XRN2: variants seen among roughly 807,000 people sequenced by gnomAD.
XRN2 encodes 5'-3' exoribonuclease 2.
XRN2 carries 44 observed loss-of-function variants against 138.5 expected under a neutral mutation model. The ratio of observed to expected loss-of-function variants is 0.32; its 90% CI spans 0.25 to 0.41. XRN2 has a LOEUF of 0.41. XRN2 is among the 10% of genes least tolerant of loss of function. The pLI is 1.00. For missense variants in XRN2, 937 were observed against 1,169.3 expected, an observed-to-expected ratio of 0.80 and a Z score of 2.90; for synonymous variants, 354 against 369.4, an observed-to-expected ratio of 0.96 and a Z score of 0.48.
At chr20:21,338,967 A>C in intron 13 of XRN2, 77 bp from the exon 14 acceptor site, 1 of 1,409,388 alleles carries the variant, frequency 7.1e-7, no homozygotes. Flanking sequence ...GTTGTCTCCC[A>C]AATCATTCCT....
intron 1 of XRN2, among the ~76,000 whole-genome samples, chr20:21,312,829 T>A (rs992341118): frequency 1.3e-5 from 2 of 152,068 alleles, no homozygotes; most frequent in Admixed American, 6.5e-5. Flanking sequence ...CTTGAACTCC[T>A]GACCTCAGGC....
chr20:21,345,916 G>A (rs867182291), intron 16 of XRN2, among the ~76,000 whole-genome samples: 1 of 147,660 alleles, frequency 6.8e-6, no homozygotes, highest in Middle Eastern at 3.5e-3. Flanking sequence ...TCTGCCTAAT[G>A]TCTAGATTAT....
At chr20:21,364,820 AG>A (rs1339358045) in intron 24 of XRN2, among the ~76,000 whole-genome samples, 9 of 151,014 alleles carry the variant, frequency 6.0e-5, no homozygotes, top group Admixed American at 6.0e-4. Context: ...AAAAAAAAAA[AG>A]CATATTTGTG....
chr20:21,347,050 T>C (rs756302273), intron 17 of XRN2, among the ~76,000 whole-genome samples: 2 of 152,178 alleles, frequency 1.3e-5, no homozygotes, highest in South Asian at 4.1e-4. Flanking sequence ...TTCTTAGATA[T>C]TAATATAGAA....
chr20:21,375,552 A>G (rs1042730534), intron 27 of XRN2, among the ~76,000 whole-genome samples: 3 of 151,574 alleles, frequency 2.0e-5, no homozygotes, highest in Admixed American at 6.6e-5. Flanking sequence ...TTATGTACCC[A>G]TGGATTATTT....
At chr20:21,328,082 GT>G (rs1286793369) in intron 3 of XRN2, among the ~76,000 whole-genome samples, 2 of 152,154 alleles carry the variant, frequency 1.3e-5, no homozygotes, top group Non-Finnish European at 2.9e-5. Context: ...TAAAGAAATA[GT>G]TTTCTGTTGC....
At chr20:21,368,343 A>T in intron 26 of XRN2, 120 bp from the exon 27 acceptor site, 2 of 1,260,038 alleles carry the variant, frequency 1.6e-6, no homozygotes, top group African/African-American at 3.0e-5. Context: ...TGTTTGTATT[A>T]TCTTAATCAG....
intron 6 of XRN2, 49 bp downstream of exon 6, chr20:21,330,754 G>A (rs1386653953): frequency 6.6e-7 from 1 of 1,522,374 alleles, no homozygotes; most frequent in East Asian, 2.3e-5. Flanking sequence ...GATCATTCGA[G>A]GCTGTACTTT....
intron 21 of XRN2, among the ~76,000 whole-genome samples, chr20:21,355,216 C>T (rs2038561443): frequency 6.6e-6 from 1 of 152,172 alleles, no homozygotes; most frequent in Non-Finnish European, 1.5e-5. Flanking sequence ...CATCTACCTT[C>T]TTCCCTACTC....
chr20:21,315,804 C>T (rs981406724), intron 1 of XRN2, among the ~76,000 whole-genome samples: 2 of 152,140 alleles, frequency 1.3e-5, no homozygotes, highest in African/African-American at 2.4e-5. Flanking sequence ...GGCCTCTTTG[C>T]CCTTTTAAAA....
At position 21,346,451 on chromosome 20, in the gene XRN2, G is replaced by T. The variant is rs138301797; in HGVS notation, c.1566G>T (p.Lys522Asn). Residue 522 changes from lysine to asparagine, a missense_variant, in exon 17 of 30, where the codon AAG becomes AAT. Coordinates refer to ENST00000377191, the MANE Select transcript of XRN2 (RefSeq NM_012255.5). Reference sequence around the variant, plus strand: ...CTGGCTGGAAGCAGCGGTACTACAAGAACAAATTTGATGTGGATGCAGCTG... The same window carrying T: ...CTGGCTGGAAGCAGCGGTACTACAATAACAAATTTGATGTGGATGCAGCTG... The part of the protein sequence containing the change: ...WEAGWKQRYY[K>N]NKFDVDAADE... 2.0e-4 allele frequency: 323 copies of T among 1,614,006 alleles called. 1 individual carries two copies. Among genetic ancestry groups the T allele is most frequent in the Non-Finnish European group, 2.6e-4 (306 of 1,180,000 alleles).
chr20:21,348,697 T>A (rs955278068), intron 19 of XRN2, among the ~76,000 whole-genome samples: 2 of 152,080 alleles, frequency 1.3e-5, no homozygotes, highest in Admixed American at 1.3e-4. Context: ...CCAGGCTGGA[T>A]TGCAGTGGCA....
intron 27 of XRN2, among the ~76,000 whole-genome samples, chr20:21,370,875 T>C (rs2038754104): frequency 6.6e-6 from 1 of 152,234 alleles, no homozygotes; most frequent in South Asian, 2.1e-4. Flanking sequence ...GTGCCAGTGT[T>C]TGTTTCTCAA....
intron 1 of XRN2, among the ~76,000 whole-genome samples, chr20:21,314,959 G>A (rs985907145): frequency 6.6e-6 from 1 of 152,160 alleles, no homozygotes; most frequent in African/African-American, 2.4e-5. Flanking sequence ...AAACATGCCC[G>A]GGGCAGATAG....
In XRN2 at chr20:21,326,462, A is replaced by G. The variant is rs370308584; in HGVS notation, c.204-28A>G. The stretch of plus-strand genomic sequence containing the variant: ...CAAATCACAGAGGAAACATTATATT[A>G]TATTACATTGTTTGGTTGTCATTAT... On this transcript the variant is annotated intron_variant, in intron 2 of 29. Coordinates refer to ENST00000377191, the MANE Select transcript of XRN2 (RefSeq NM_012255.5). The G allele has an allele frequency of 3.4e-5, 55 of 1,613,826 alleles. No individual in the cohort carries two copies. In the African/African-American group the frequency reaches 6.1e-4, roughly 18 times the overall value.
intron 27 of XRN2, among the ~76,000 whole-genome samples, chr20:21,371,094 C>T (rs1040928048): frequency 3.3e-5 from 5 of 149,938 alleles, no homozygotes; most frequent in Admixed American, 3.3e-4. Context: ...TTATAGATAC[C>T]CCTCAGAGCT....
intron 1 of XRN2, among the ~76,000 whole-genome samples, chr20:21,314,156 C>A (rs1245085540): frequency 6.6e-6 from 1 of 152,278 alleles, no homozygotes; most frequent in Admixed American, 6.5e-5. Context: ...TTTTCCTAGT[C>A]TGGACTTTCA....
intron 24 of XRN2, among the ~76,000 whole-genome samples, chr20:21,364,057 G>C (rs1484840591): frequency 1.3e-5 from 2 of 151,956 alleles, no homozygotes; most frequent in Non-Finnish European, 2.9e-5. Context: ...TCAGCCTCCC[G>C]AGTAGCTGGG....
intron 17 of XRN2, 44 bp from the exon 18 acceptor site, chr20:21,348,102 A>C: frequency 1.3e-6 from 2 of 1,547,282 alleles, no homozygotes; most frequent in Non-Finnish European, 8.7e-7. Flanking sequence ...GTTCATCATT[A>C]ACATAGGTTT....
Sources: gnomAD v4.1 joint callset for allele counts (sites outside exome capture counted in the v4.1 genomes callset) on GRCh38, gnomAD v4.1.1 for gene constraint, MANE v1.5 for transcripts, NCBI Gene and HGNC (gene_info 2026-07-23, HGNC 2026-07-21) for gene names.